EPHA3: variants seen among roughly 807,000 people sequenced by gnomAD.
EPHA3 encodes the protein ephrin type-A receptor 3.
In EPHA3, 42 loss-of-function variants were observed where a neutral mutation model predicts 107.1. The observed-to-expected ratio is 0.39, with a 90% confidence interval of 0.31 to 0.51. The LOEUF (loss-of-function observed/expected upper bound fraction) is 0.51. EPHA3 is among the 20% of genes least tolerant of loss of function. The pLI, the probability that EPHA3 is intolerant of heterozygous loss-of-function variation, is 0.78. For missense variants in EPHA3, 1,183 were observed against 1,211.2 expected (o/e 0.98, Z 0.35); for synonymous variants, 461 against 424.8 (o/e 1.09, Z -1.05).
intron 16 of EPHA3, among the ~76,000 whole-genome samples, chr3:89,478,018 G>A (rs954472675): frequency 2.6e-5 from 4 of 152,156 alleles, no homozygotes; most frequent in African/African-American, 7.2e-5. Flanking sequence ...TATTAAATAG[G>A]AGGGTTGGGG....
intron 5 of EPHA3, among the ~76,000 whole-genome samples, chr3:89,379,951 A>G (rs75195996): frequency 0.016 from 2,433 of 152,240 alleles, 67 homozygotes; most frequent in African/African-American, 0.055. Flanking sequence ...GGATCAACCT[A>G]CACAACTTTC....
At chr3:89,225,494 A>C (rs2107214850) in intron 3 of EPHA3, among the ~76,000 whole-genome samples, 1 of 152,328 alleles carries the variant, frequency 6.6e-6, no homozygotes, top group Admixed American at 6.5e-5. Context: ...GTTCTCTAAG[A>C]TGGTGCCAGT....
At chr3:89,476,764 C>A (rs752527302) in intron 16 of EPHA3, among the ~76,000 whole-genome samples, 7 of 151,584 alleles carry the variant, frequency 4.6e-5, no homozygotes, top group Admixed American at 6.6e-5. Flanking sequence ...CCCGCCACCA[C>A]GCCCCGCTAA....
intron 2 of EPHA3, among the ~76,000 whole-genome samples, chr3:89,186,426 CT>C (rs1009903550): frequency 6.6e-6 from 1 of 151,878 alleles, no homozygotes; most frequent in Non-Finnish European, 1.5e-5. Context: ...CTTTGTTAAC[CT>C]TTTTTTCTTT....
At chr3:89,359,480 C>T (rs1708039897) in intron 5 of EPHA3, among the ~76,000 whole-genome samples, 1 of 150,276 alleles carries the variant, frequency 6.7e-6, no homozygotes, top group Admixed American at 6.7e-5. Flanking sequence ...ATTTAGCTGT[C>T]TTGTTGGGTA....
At chr3:89,332,383 G>A (rs1037113379) in intron 3 of EPHA3, among the ~76,000 whole-genome samples, 4 of 152,202 alleles carry the variant, frequency 2.6e-5, no homozygotes, top group Admixed American at 1.3e-4. Flanking sequence ...CTATCTTTGA[G>A]CCATACTGGA....
rs1709467132 is a variant in EPHA3 at position 89,426,847 on chromosome 3, A to G, written c.2075-2259A>G. Among the ~76,000 whole-genome samples, 4 of 151,882 alleles carry G rather than the reference A, an allele frequency of 2.6e-5. No individual in the cohort carries two copies. The South Asian group carries it at 8.3e-4, about 31-fold the overall frequency. ...GAAAGACAGAAACTGATGGTGATTT[A>G]TAGAAAGTACACATATGCAGGATTT... On this transcript the variant is annotated intron_variant, in intron 11 of 16. Coordinates refer to ENST00000336596, the MANE Select transcript of EPHA3 (RefSeq NM_005233.6).
chr3:89,291,236 C>T (rs1016241438), intron 3 of EPHA3, among the ~76,000 whole-genome samples: 13 of 152,108 alleles, frequency 8.5e-5, no homozygotes, highest in African/African-American at 3.1e-4. Context: ...TTTGGAGTTC[C>T]TCCAACTTCT....
At position 89,354,762 on chromosome 3, in the gene EPHA3, C is replaced by T. The variant is rs1252450251; in HGVS notation, c.1306+12672C>T. Among the ~76,000 whole-genome samples the T allele has an allele frequency of 1.3e-5, 2 of 151,140 alleles. 1 individual carries two copies. The highest frequency in any genetic ancestry group is 3.0e-5 in the Non-Finnish European group (2 of 67,562). On this transcript the variant is annotated intron_variant, in intron 5 of 16. Transcript: ENST00000336596. ...TATGTAATTATCTTATTCAATCTTA[C>T]AACAATTTTATATGGCTATAAGTGA...
intron 3 of EPHA3, among the ~76,000 whole-genome samples, chr3:89,269,971 G>T (rs1705628557): frequency 2.0e-5 from 3 of 151,666 alleles, no homozygotes; most frequent in Admixed American, 2.0e-4. Context: ...TCAAATCACT[G>T]GTCTTTCAGG....
chr3:89,366,783 A>G (rs1708192157), intron 5 of EPHA3, among the ~76,000 whole-genome samples: 1 of 150,676 alleles, frequency 6.6e-6, no homozygotes, highest in African/African-American at 2.4e-5. Flanking sequence ...CAAGGAATAT[A>G]AGCCTAATGA....
At chr3:89,202,780 A>G (rs2107164595) in intron 2 of EPHA3, among the ~76,000 whole-genome samples, 1 of 152,194 alleles carries the variant, frequency 6.6e-6, no homozygotes, top group African/African-American at 2.4e-5. Flanking sequence ...TCTTCTTCAT[A>G]CCAGTATAAA....
intron 3 of EPHA3, among the ~76,000 whole-genome samples, chr3:89,314,225 C>A (rs1448420940): frequency 6.6e-6 from 1 of 151,608 alleles, no homozygotes; most frequent in South Asian, 2.1e-4. Context: ...ATAAAATAAT[C>A]AGCACAAGGT....
In EPHA3 at chr3:89,399,313, C is replaced by T. The variant is rs1576358630; in HGVS notation, c.1432-5C>T. The T allele has an allele frequency of 1.3e-6, 2 of 1,585,096 alleles. No homozygotes were observed. On this transcript the variant is annotated splice_region_variant and splice_polypyrimidine_tract_variant and intron_variant, in intron 6 of 16. Coordinates refer to ENST00000336596, the MANE Select transcript of EPHA3 (RefSeq NM_005233.6). ...TAACATGAATTTTTTTTTCTGACCT[C>T]AAAGCAGGAACAAGAAACAAGTTAT...
At chr3:89,229,149 T>A (rs1396657837) in intron 3 of EPHA3, among the ~76,000 whole-genome samples, 1 of 151,962 alleles carries the variant, frequency 6.6e-6, no homozygotes, top group African/African-American at 2.4e-5. Context: ...TAAAATGTGT[T>A]AAGAGTGTGA....
chr3:89,420,557 A>G (rs1177015529), intron 11 of EPHA3, among the ~76,000 whole-genome samples: 1 of 151,058 alleles, frequency 6.6e-6, no homozygotes, highest in Non-Finnish European at 1.5e-5. Flanking sequence ...TTATTAATAG[A>G]AATATTTTCT....
intron 3 of EPHA3, among the ~76,000 whole-genome samples, chr3:89,254,073 T>C (rs572371971): frequency 1.8e-4 from 27 of 152,166 alleles, no homozygotes; most frequent in Non-Finnish European, 3.1e-4. Context: ...TAGAAAATGA[T>C]AAACAATATT....
chr3:89,452,357 AGTT>A (rs1470871759), intron 15 of EPHA3, among the ~76,000 whole-genome samples: 1 of 152,060 alleles, frequency 6.6e-6, no homozygotes, highest in Non-Finnish European at 1.5e-5. Flanking sequence ...CTTCACTAAC[AGTT>A]GTTATCTTTT....
chr3:89,112,922 C>A (rs563956815), intron 1 of EPHA3, among the ~76,000 whole-genome samples: 4 of 152,084 alleles, frequency 2.6e-5, no homozygotes, highest in African/African-American at 9.6e-5. Context: ...TTTTAGCCTG[C>A]ACATTTTTTC....
Sources: allele counts gnomAD v4.1 joint callset (sites outside exome capture counted in the v4.1 genomes callset), GRCh38; gene constraint gnomAD v4.1.1; transcripts MANE v1.5; gene names NCBI Gene and HGNC (gene_info 2026-07-23, HGNC 2026-07-21).